The following ZNF229 variants were observed in gnomAD, a reference collection of about 807,000 sequenced individuals.
ZNF229 encodes zinc finger protein 229.
A neutral mutation model predicts 11.8 loss-of-function variants in ZNF229; 10 were observed. The ratio of observed to expected loss-of-function variants is 0.85; its 90% confidence interval spans 0.52 to 1.44. ZNF229 has a LOEUF of 1.44. Among genes scored for constraint, ZNF229 ranks in the 40% most tolerant of loss-of-function variants. ZNF229 has a pLI of 0.00. For missense variants in ZNF229, 1,045 were observed against 1,015.1 expected, an observed-to-expected ratio of 1.03 and a Z score of -0.40; for synonymous variants, 368 against 374.8, an observed-to-expected ratio of 0.98 and a Z score of 0.21.
chr19:44,441,470 T>C (rs1971907867), intron 4 of ZNF229, among the ~76,000 whole-genome samples: 1 of 152,216 alleles, frequency 6.6e-6, no homozygotes, highest in Non-Finnish European at 1.5e-5. Context: ...AATTCTGCAA[T>C]GGCTATGATT....
In ZNF229 at chr19:44,430,428, CCAG is replaced by C. The variant is rs749627978; in HGVS notation, c.350_352del (p.Pro117_Gly118delinsArg). 2.4e-5 allele frequency: 39 copies of C among 1,614,138 alleles called. No individual in the cohort carries two copies. In the African/African-American group the frequency reaches 4.7e-4, roughly 19 times the overall value. ...CAGATTTACTCTACAGTCTTGGCTC[CCAG>C]GTAATTCACCTGCCACCTCTTCCCA... On this transcript the variant is annotated inframe_deletion, in exon 6 of 6. Coordinates refer to ENST00000614049, the MANE Select transcript of ZNF229 (RefSeq NM_014518.4).
chr19:44,444,182 G>A (rs1220658076), intron 2 of ZNF229, among the ~76,000 whole-genome samples: 3 of 152,108 alleles, frequency 2.0e-5, no homozygotes, highest in South Asian at 2.1e-4. Flanking sequence ...AGAGCTACTC[G>A]GGAGGTAGTG....
Position 44,447,570 on chromosome 19 carries a change from T to C in ZNF229, c.-235A>G, listed in dbSNP as rs1055757806. 2.1e-4 allele frequency: 32 copies of C among 152,200 alleles called. 1 individual carries two copies. Among genetic ancestry groups the C allele is most frequent in the African/African-American group, 7.5e-4 (31 of 41,518 alleles). The allele number at this position is 152,200 out of a possible 1,614,324, so 9.4% of individuals were successfully genotyped here. ...TTTCTCCTTCTTTTATACAATTATC[T>C]CCGAGAAACGAACAATTCCAAGAAG... On this transcript the variant is annotated 5_prime_UTR_variant, in exon 2 of 6. Transcript: ENST00000614049.
rs1449902447 is a variant in ZNF229 at position 44,429,331 on chromosome 19, T to A, written c.1450A>T (p.Thr484Ser). ...SHLSSHQKTHTGERPYQCDKC... is the reference protein window; with the variant it reads ...SHLSSHQKTHSGERPYQCDKC... ...TCACACTGGTAGGGCCTCTCGCCGG[T>A]GTGTGTCTTCTGATGACTGCTGAGG... Residue 484 changes from threonine (T) to serine (S), a missense_variant, in exon 6 of 6, where the codon ACC becomes TCC. Transcript: ENST00000614049. The A allele has an allele frequency of 2.5e-6, 4 of 1,614,082 alleles. No individual in the cohort carries two copies. The highest frequency in any genetic ancestry group is 3.4e-6 in the Non-Finnish European group (4 of 1,179,966).
intron 1 of ZNF229, 48 bp downstream of exon 1, chr19:44,448,260 AG>A (rs1451670890): frequency 1.3e-5 from 2 of 152,220 alleles, no homozygotes; most frequent in African/African-American, 4.8e-5. Context: ...CACCCCGCAC[AG>A]GCGCTCAGAA....
intron 4 of ZNF229, among the ~76,000 whole-genome samples, chr19:44,439,530 G>A (rs571604668): frequency 5.9e-5 from 9 of 152,068 alleles, no homozygotes; most frequent in South Asian, 2.1e-4. Flanking sequence ...TGCAACCTCC[G>A]CCTCCCAGGT....
Position 44,443,017 on chromosome 19 carries a change from CA to C in ZNF229, c.-171del, listed in dbSNP as rs781237898. On this transcript the variant is annotated 5_prime_UTR_variant, in exon 3 of 6. An upstream open reading frame in the 5' UTR loses its in-frame stop. Coordinates refer to ENST00000614049, the MANE Select transcript of ZNF229 (RefSeq NM_014518.4). ...CCAGAGCGCGACTGCTTCCCATGGT[CA>C]GGGGACCTGTAGGTTCGGGAGGGAA... 1.3e-4 allele frequency: 93 copies of C among 732,066 alleles called. No individual in the cohort carries two copies. Among genetic ancestry groups the C allele is most frequent in the Non-Finnish European group, 1.9e-4 (86 of 444,770 alleles). The allele number at this position is 732,066 out of a possible 1,614,324, so 45.3% of individuals were successfully genotyped here. A position where few individuals can be genotyped will look rare whatever the true frequency, so the allele number is the denominator to read the frequency against.
chr19:44,434,653 C>G (rs1048824979), intron 4 of ZNF229, among the ~76,000 whole-genome samples: 1 of 152,186 alleles, frequency 6.6e-6, no homozygotes, highest in Non-Finnish European at 1.5e-5. Context: ...TGAGGGCTCT[C>G]AGAATTATAC....
intron 2 of ZNF229, among the ~76,000 whole-genome samples, chr19:44,444,951 T>C (rs1025951562): frequency 2.6e-5 from 4 of 152,190 alleles, no homozygotes; most frequent in Non-Finnish European, 5.9e-5. Flanking sequence ...GGTGAACATA[T>C]CCAGCCTCAG....
At position 44,428,889 on chromosome 19, in the gene ZNF229, G is replaced by A; in HGVS notation, c.1892C>T (p.Ala631Val). ...GTAACTGAAGCCTTTGCCACACTCA[G>A]CACATTTATAGGGTTTCTCTCCAGT... ...VHTGEKPYKCAECGKGFSYSS... is the reference protein window; with the variant it reads ...VHTGEKPYKCVECGKGFSYSS... The change falls in exon 6 of 6, where the codon GCT becomes GTT. Residue 631 changes from alanine (A) to valine (V), a missense_variant. Physicochemically the swap from Ala to Val is moderately conservative, Grantham distance 64. Transcript: ENST00000614049. The A allele has an allele frequency of 1.3e-6, 2 of 1,599,116 alleles. No homozygotes were observed. The highest frequency in any genetic ancestry group is 1.7e-6 in the Non-Finnish European group (2 of 1,174,678).
intron 2 of ZNF229, among the ~76,000 whole-genome samples, chr19:44,446,722 G>A (rs960857856): frequency 6.6e-6 from 1 of 152,192 alleles, no homozygotes; most frequent in Non-Finnish European, 1.5e-5. Flanking sequence ...GATGGAAAAG[G>A]TAATTGTTCT....
rs1971581449 is a variant in ZNF229, at chr19:44,426,833, T to C, written c.*1470A>G. On this transcript the variant is annotated 3_prime_UTR_variant, in exon 6 of 6. Transcript: ENST00000614049. Reference sequence around the variant, plus strand: ...CGTTAATGAATTCTTTTGAAAACAATGCACGGATTTTCTCTCTCACCAATA... The same window carrying C: ...CGTTAATGAATTCTTTTGAAAACAACGCACGGATTTTCTCTCTCACCAATA... 6.6e-6 allele frequency: 1 copy of C among 152,170 alleles called. No homozygotes were observed. Among genetic ancestry groups the C allele is most frequent in the African/African-American group, 2.4e-5 (1 of 41,400 alleles). 9.4% of individuals were successfully genotyped at this position (152,170 alleles called of 1,614,324 possible).
Position 44,428,822 on chromosome 19 carries a change from C to T in ZNF229, c.1959G>A (p.Glu653=). 1 of 1,613,418 alleles carries T rather than the reference C, an allele frequency of 6.2e-7. No homozygotes were observed. Among genetic ancestry groups the T allele is most frequent in the Non-Finnish European group, 8.5e-7 (1 of 1,179,574 alleles). Residue 653 remains glutamate, a synonymous_variant, in exon 6 of 6, where the codon GAG becomes GAA. Coordinates refer to ENST00000614049, the MANE Select transcript of ZNF229 (RefSeq NM_014518.4). The stretch of plus-strand genomic sequence containing the variant: ...CGCACTCTTGGCATCTGTAAGGTTT[C>T]TCGCCTGTGTGGACTCTCTGGTGAA... ...LLIHQRVHTG[E]KPYRCQECGK... is the part of the protein sequence containing the mutation.
chr19:44,431,872 C>T, intron 5 of ZNF229: 1 of 922,920 alleles, frequency 1.1e-6, no homozygotes, highest in Non-Finnish European at 1.3e-6. Context: ...GGTGGTGGGT[C>T]TTCCGGAGGT....
At position 44,427,170 on chromosome 19, in the gene ZNF229, G is replaced by C. The variant is rs2722694; in HGVS notation, c.*1133C>G. 6.7e-6 allele frequency: 1 copy of C among 150,370 alleles called. No individual in the cohort carries two copies. The highest frequency in any genetic ancestry group is 2.5e-5 in the African/African-American group (1 of 40,526). The allele number at this position is 150,370 out of a possible 1,614,324, so 9.3% of individuals were successfully genotyped here. ...TCCCACCAAGGCCCTCCTCTGACAC[G>C]TGGGGATTAAAATTGAGATGAGATT... On this transcript the variant is annotated 3_prime_UTR_variant, in exon 6 of 6. Coordinates refer to ENST00000614049, the MANE Select transcript of ZNF229 (RefSeq NM_014518.4).
intron 2 of ZNF229, among the ~76,000 whole-genome samples, chr19:44,444,571 C>A (rs1971973733): frequency 6.6e-6 from 1 of 152,218 alleles, no homozygotes; most frequent in South Asian, 2.1e-4. Flanking sequence ...CACTTAAACT[C>A]AAACTTCAGG....
chr19:44,442,430 T>C (rs376061154), intron 4 of ZNF229, 133 bp downstream of exon 4: 4 of 852,456 alleles, frequency 4.7e-6, no homozygotes, highest in Non-Finnish European at 7.4e-6. Context: ...CATCACTATT[T>C]TGTGGATAAA....
At position 44,427,005 on chromosome 19, in the gene ZNF229, A is replaced by T. The variant is rs1008737589; in HGVS notation, c.*1298T>A. On this transcript the variant is annotated 3_prime_UTR_variant, in exon 6 of 6. Transcript: ENST00000614049. ...AAAACTTAGTCATGGCAGAACGCAA[A>T]AGAGAAATAAGGACCTTCTTCACAA... 1 of 152,162 alleles carries T rather than the reference A, an allele frequency of 6.6e-6. No individual in the cohort carries two copies. Among genetic ancestry groups the T allele is most frequent in the Admixed American group, 6.5e-5 (1 of 15,278 alleles). 9.4% of individuals were successfully genotyped at this position (152,162 alleles called of 1,614,324 possible). A position where few individuals can be genotyped will look rare whatever the true frequency, so the allele number is the denominator to read the frequency against.
At chr19:44,448,226 C>G (rs1972035546) in intron 1 of ZNF229, 83 bp downstream of exon 1, 1 of 152,278 alleles carries the variant, frequency 6.6e-6, no homozygotes, top group Non-Finnish European at 1.5e-5. Flanking sequence ...CAAGCCTGGA[C>G]TGCGAGGGCT....
Sources: gnomAD v4.1 joint callset for allele counts (sites outside exome capture counted in the v4.1 genomes callset) on GRCh38, gnomAD v4.1.1 for gene constraint, MANE v1.5 for transcripts, NCBI Gene and HGNC (gene_info 2026-07-23, HGNC 2026-07-21) for gene names.